Variants in THSD7A observed in about 807,000 individuals in gnomAD.
The protein encoded by THSD7A is thrombospondin type 1 domain containing 7A.
THSD7A carries 96 observed loss-of-function variants against 231.3 expected under a neutral mutation model. That is an observed-to-expected ratio of 0.41 (90% CI 0.35 to 0.49). THSD7A has a LOEUF of 0.49. Among genes scored for constraint, THSD7A ranks in the 20% least tolerant of loss-of-function variants. The probability of loss-of-function intolerance (pLI) is 0.05; values close to 1 mark genes in which losing one functional copy is unlikely to be tolerated. For synonymous variants in THSD7A, 940 were observed against 743.3 expected, an observed-to-expected ratio of 1.26 and a Z score of -4.30; for missense variants, 2,290 against 2,070.2, an observed-to-expected ratio of 1.11 and a Z score of -2.06.
intron 11 of THSD7A, among the ~76,000 whole-genome samples, chr7:11,456,008 C>T (rs1333763887): frequency 2.0e-5 from 3 of 151,858 alleles, no homozygotes; most frequent in East Asian, 1.9e-4. Flanking sequence ...TAGGTGCAGG[C>T]CTAGGAGGCA....
chr7:11,770,354 T>C (rs1783181801), intron 1 of THSD7A, among the ~76,000 whole-genome samples: 1 of 152,134 alleles, frequency 6.6e-6, no homozygotes, highest in African/African-American at 2.4e-5. Flanking sequence ...ATTGCCATAA[T>C]CTGGTTTAAT....
chr7:11,742,653 A>T (rs1366049189), intron 1 of THSD7A, among the ~76,000 whole-genome samples: 1 of 151,934 alleles, frequency 6.6e-6, no homozygotes, highest in Non-Finnish European at 1.5e-5. Context: ...ACCTTTGTGC[A>T]TGTCACTTGC....
At chr7:11,682,512 A>C (rs1230815656) in intron 1 of THSD7A, among the ~76,000 whole-genome samples, 1 of 152,074 alleles carries the variant, frequency 6.6e-6, no homozygotes, top group Non-Finnish European at 1.5e-5. Flanking sequence ...AAACAACAAT[A>C]ATAACAAAAC....
At chr7:11,491,313 C>T (rs17149863) in intron 6 of THSD7A, among the ~76,000 whole-genome samples, 51,479 of 151,832 alleles carry the variant, frequency 0.34, 9,289 homozygotes, top group Admixed American at 0.44. Flanking sequence ...CTTTGGGCTT[C>T]AATTAAAAAT....
intron 6 of THSD7A, among the ~76,000 whole-genome samples, chr7:11,499,444 G>A (rs1787242000): frequency 6.6e-6 from 1 of 152,200 alleles, no homozygotes; most frequent in African/African-American, 2.4e-5. Context: ...GGCAGCCTAG[G>A]AGTGCCAAGT....
Position 11,421,220 on chromosome 7 carries a change from T to C in THSD7A, c.3383+3476A>G, listed in dbSNP as rs546159962. 1.8e-4 allele frequency among the ~76,000 whole-genome samples: 28 copies of C among 152,276 alleles called. No individual in the cohort carries two copies. In the South Asian group the frequency reaches 4.6e-3, roughly 25 times the overall value. ...TCTATGTCCCCACCCAAATCTCATG[T>C]TGGGGGAGGGACCTGGTAGGAGGTG... On this transcript the variant is annotated intron_variant, in intron 16 of 27. Transcript: ENST00000423059.
rs1037906820 is a variant in THSD7A, at chr7:11,371,611, T to C, written c.*4183A>G. On this transcript the variant is annotated 3_prime_UTR_variant, in exon 28 of 28. Transcript: ENST00000423059. ...GCTTTAGAACAGGCTCTCCCTTCTG[T>C]ATGGTACTGAAAAGTACAGTCCTCC... 1 of 152,150 alleles carries C rather than the reference T, an allele frequency of 6.6e-6. No homozygotes were observed. The highest frequency in any genetic ancestry group is 1.5e-5 in the Non-Finnish European group (1 of 68,028). The allele number at this position is 152,150 out of a possible 1,614,324, so 9.4% of individuals were successfully genotyped here.
Position 11,737,054 on chromosome 7 carries a change from C to T in THSD7A, c.190+94703G>A, listed in dbSNP as rs147887532. On this transcript the variant is annotated intron_variant, in intron 1 of 27. Transcript: ENST00000423059. ...TCCCTTCTGCCATGATTGTAAGTTT[C>T]CTGAGGCCTCCCCAACCATGTGAAA... Among the ~76,000 whole-genome samples the T allele has an allele frequency of 6.0e-4, 91 of 152,140 alleles. 1 individual carries two copies. The highest frequency in any genetic ancestry group is 3.4e-3 in the Middle Eastern group (1 of 294).
At chr7:11,742,632 T>G (rs1441838890) in intron 1 of THSD7A, among the ~76,000 whole-genome samples, 1 of 151,916 alleles carries the variant, frequency 6.6e-6, no homozygotes, top group African/African-American at 2.4e-5. Context: ...TCCTTTCAGC[T>G]AAGAAGGAAA....
At chr7:11,500,048 G>T (rs2128309958) in intron 6 of THSD7A, among the ~76,000 whole-genome samples, 1 of 152,184 alleles carries the variant, frequency 6.6e-6, no homozygotes, top group African/African-American at 2.4e-5. Flanking sequence ...TGAAATGAAA[G>T]AATGTTAAAG....
Position 11,373,980 on chromosome 7 carries a change from T to C in THSD7A, c.*1814A>G, listed in dbSNP as rs2115276134. 1 of 152,208 alleles carries C rather than the reference T, an allele frequency of 6.6e-6. No individual in the cohort carries two copies. The highest frequency in any genetic ancestry group is 1.9e-4 in the East Asian group (1 of 5,174). 9.4% of individuals were successfully genotyped at this position (152,208 alleles called of 1,614,324 possible). The stretch of plus-strand genomic sequence containing the variant: ...AGTCTGCTGAGTTAGTTAAATATTG[T>C]TCCACTGTGCCATTCCCAGGGCTAC... On this transcript the variant is annotated 3_prime_UTR_variant, in exon 28 of 28. Transcript: ENST00000423059.
At chr7:11,389,421 C>CCTTTTTTTTTTTTTTTTT (rs1782891472) in intron 23 of THSD7A, among the ~76,000 whole-genome samples, 1 of 37,588 alleles carries the variant, frequency 2.7e-5, no homozygotes, top group African/African-American at 9.6e-5. Context: ...GCAACTCCTG[C>CCTTTTTTTTTTTTTTTTT]TTTTTTTTTT....
At chr7:11,675,459 C>T (rs775767446) in intron 1 of THSD7A, among the ~76,000 whole-genome samples, 8 of 152,148 alleles carry the variant, frequency 5.3e-5, no homozygotes, top group Non-Finnish European at 1.2e-4. Flanking sequence ...GGAAGCCAAG[C>T]AGTCTTGCTT....
chr7:11,806,746 C>T (rs989703051), intron 1 of THSD7A, among the ~76,000 whole-genome samples: 1 of 152,098 alleles, frequency 6.6e-6, no homozygotes, highest in Middle Eastern at 3.2e-3. Context: ...GGTTCATGGA[C>T]ACTGGGTAGT....
chr7:11,610,980 A>T (rs1385903493), intron 2 of THSD7A, among the ~76,000 whole-genome samples: 1 of 152,164 alleles, frequency 6.6e-6, no homozygotes. Flanking sequence ...TATTAACACA[A>T]AGAACAGCCA....
rs889903567 is a variant in THSD7A, at chr7:11,417,564, T to C, written c.3423A>G (p.Val1141=). The change falls in exon 17 of 28, where the codon GTA becomes GTG. Residue 1141 remains valine, a synonymous_variant. Coordinates refer to ENST00000423059, the MANE Select transcript of THSD7A (RefSeq NM_015204.3). ...CTTCTGGGTCACAGAGGTAATCCTC[T>C]ACATGTTCAGAAGGGCCATCTGCTG... ...QNTADGPSEH[V]EDYLCDPEEM... 1.2e-6 allele frequency: 2 copies of C among 1,613,204 alleles called. No homozygotes were observed. Among genetic ancestry groups the C allele is most frequent in the Non-Finnish European group, 1.7e-6 (2 of 1,179,634 alleles).
At position 11,498,191 on chromosome 7, in the gene THSD7A, C is replaced by A. The variant is rs73677733; in HGVS notation, c.1823-16209G>T. ...CATAACAGCCCACAGACCCCACTTT[C>A]ATGGCACCTCATATGATAAGACCCA... is the stretch of plus-strand genomic sequence containing the variant. On this transcript the variant is annotated intron_variant, in intron 6 of 27. Transcript: ENST00000423059. 6.1e-3 allele frequency among the ~76,000 whole-genome samples: 932 copies of A among 152,292 alleles called. 15 individuals are homozygous for A. Among genetic ancestry groups the A allele is most frequent in the African/African-American group, 0.021 (869 of 41,568 alleles).
At chr7:11,690,228 T>G (rs948436595) in intron 1 of THSD7A, among the ~76,000 whole-genome samples, 2 of 151,818 alleles carry the variant, frequency 1.3e-5, no homozygotes, top group African/African-American at 4.8e-5. Flanking sequence ...ATATTCACCT[T>G]GGTTCAAGAG....
intron 4 of THSD7A, among the ~76,000 whole-genome samples, chr7:11,577,147 A>T (rs1278898607): frequency 6.6e-6 from 1 of 152,228 alleles, no homozygotes; most frequent in Non-Finnish European, 1.5e-5. Context: ...ATAGATTTGT[A>T]GAAGGCTTTG....
Sources: allele counts gnomAD v4.1 joint callset (sites outside exome capture counted in the v4.1 genomes callset), GRCh38; gene constraint gnomAD v4.1.1; transcripts MANE v1.5; gene names NCBI Gene and HGNC (gene_info 2026-07-23, HGNC 2026-07-21).